The following TTC28 variants were observed in gnomAD, a reference collection of about 807,000 sequenced individuals.
TTC28 encodes tetratricopeptide repeat protein 28.
TTC28 carries 61 observed loss-of-function variants against 198.0 expected under a neutral mutation model. That is an observed-to-expected ratio of 0.31 (90% CI 0.25 to 0.38). TTC28 has a LOEUF of 0.38. TTC28 is among the 10% of genes least tolerant of loss of function. The probability of loss-of-function intolerance (pLI) is 1.00; values close to 1 mark genes in which losing one functional copy is unlikely to be tolerated. For missense variants in TTC28, 2,678 were observed against 3,164.0 expected, an observed-to-expected ratio of 0.85 and a Z score of 3.69; for synonymous variants, 1,171 against 1,297.8, an observed-to-expected ratio of 0.90 and a Z score of 2.10.
intron 10 of TTC28, among the ~76,000 whole-genome samples, chr22:28,097,624 G>A (rs778162666): frequency 1.2e-4 from 19 of 152,144 alleles, no homozygotes; most frequent in Non-Finnish European, 2.1e-4. Context: ...ACAATGCAGC[G>A]GATTTACTTT....
At chr22:28,568,127 C>G (rs1470288551) in intron 2 of TTC28, among the ~76,000 whole-genome samples, 4 of 152,024 alleles carry the variant, frequency 2.6e-5, no homozygotes, top group Admixed American at 1.3e-4. Flanking sequence ...CAGAGTAATA[C>G]TAATATAAAC....
At chr22:28,171,263 T>C (rs1273589302) in intron 5 of TTC28, among the ~76,000 whole-genome samples, 1 of 152,208 alleles carries the variant, frequency 6.6e-6, no homozygotes, top group African/African-American at 2.4e-5. Context: ...TACCCTTTCT[T>C]TCCTTCATTA....
chr22:28,551,603 A>T, intron 2 of TTC28, among the ~76,000 whole-genome samples: 1 of 152,248 alleles, frequency 6.6e-6, no homozygotes, highest in South Asian at 2.1e-4. Flanking sequence ...GTTATACCAC[A>T]TAAACAGAGT....
At chr22:28,564,446 CTTTTG>C (rs1333054711) in intron 2 of TTC28, among the ~76,000 whole-genome samples, 2 of 152,044 alleles carry the variant, frequency 1.3e-5, no homozygotes, top group African/African-American at 4.8e-5. Context: ...TAAATTCAGA[CTTTTG>C]TTTTATTTGT....
chr22:28,600,174 T>G (rs1188118573), intron 2 of TTC28, among the ~76,000 whole-genome samples: 5 of 151,998 alleles, frequency 3.3e-5, no homozygotes, highest in Non-Finnish European at 7.4e-5. Flanking sequence ...GCAAGAGGGA[T>G]GCTTGAATCC....
At chr22:28,326,741 T>G (rs2045536468) in intron 2 of TTC28, among the ~76,000 whole-genome samples, 1 of 152,188 alleles carries the variant, frequency 6.6e-6, no homozygotes, top group Non-Finnish European at 1.5e-5. Flanking sequence ...TTGCAAAGTC[T>G]GCTTCAACTT....
chr22:28,516,355 T>TC (rs1297327105), intron 2 of TTC28, among the ~76,000 whole-genome samples: 1 of 152,092 alleles, frequency 6.6e-6, no homozygotes, highest in Admixed American at 6.6e-5. Context: ...CAAGAATAAT[T>TC]CTGAAAAATC....
At chr22:28,218,874 G>A (rs1927619198) in intron 5 of TTC28, among the ~76,000 whole-genome samples, 1 of 151,712 alleles carries the variant, frequency 6.6e-6, no homozygotes, top group African/African-American at 2.4e-5. Flanking sequence ...GTGCAGCTTG[G>A]TGCCACTGTC....
chr22:28,231,582 T>C (rs1288728490), intron 5 of TTC28, among the ~76,000 whole-genome samples: 2 of 152,210 alleles, frequency 1.3e-5, no homozygotes, highest in African/African-American at 4.8e-5. Flanking sequence ...TTTGTTCTAT[T>C]TGGTTTACAA....
At position 28,227,794 on chromosome 22, in the gene TTC28, A is replaced by G. The variant is rs577219938; in HGVS notation, c.934-64195T>C. 2.6e-5 allele frequency among the ~76,000 whole-genome samples: 4 copies of G among 152,256 alleles called. No homozygotes were observed. In the East Asian group the frequency reaches 7.7e-4, roughly 29 times the overall value. On this transcript the variant is annotated intron_variant, in intron 5 of 22. Coordinates refer to ENST00000397906, the MANE Select transcript of TTC28 (RefSeq NM_001145418.2). ...GAATGTAAAATGGTACAACCATTGT[A>G]AAAAACAGTACGGCAGTTCCTCAAA...
At chr22:28,355,953 C>T (rs1428691231) in intron 2 of TTC28, among the ~76,000 whole-genome samples, 2 of 152,242 alleles carry the variant, frequency 1.3e-5, no homozygotes, top group East Asian at 1.9e-4. Context: ...CACTGCCCTC[C>T]TCTATTCGGG....
chr22:28,079,031 G>A (rs1038590577), intron 12 of TTC28, among the ~76,000 whole-genome samples: 1 of 152,170 alleles, frequency 6.6e-6, no homozygotes, highest in Non-Finnish European at 1.5e-5. Context: ...TTGAAGGGTG[G>A]GCAGAGGCTA....
chr22:28,468,975 T>G (rs751109890), intron 2 of TTC28, among the ~76,000 whole-genome samples: 3 of 152,156 alleles, frequency 2.0e-5, no homozygotes, highest in South Asian at 4.1e-4. Context: ...TCCAATTATT[T>G]TCAAGAACAT....
intron 10 of TTC28, 52 bp from the exon 11 acceptor site, chr22:28,096,460 G>C (rs1941978198): frequency 1.9e-6 from 3 of 1,538,496 alleles, no homozygotes; most frequent in Admixed American, 2.0e-5. Context: ...TGCTTACTTA[G>C]AGAGGCCTAT....
intron 13 of TTC28, among the ~76,000 whole-genome samples, chr22:28,021,394 C>T (rs1938589756): frequency 6.6e-6 from 1 of 152,126 alleles, no homozygotes; most frequent in Non-Finnish European, 1.5e-5. Flanking sequence ...TGGGGAGGGG[C>T]AGCTAGGAAG....
intron 2 of TTC28, among the ~76,000 whole-genome samples, chr22:28,321,511 T>G (rs566176337): frequency 6.6e-6 from 1 of 152,242 alleles, no homozygotes. Context: ...GTGTGGAAAG[T>G]GGAGAGAGAA....
chr22:28,098,875 A>G (rs1337832765), intron 10 of TTC28, 40 bp downstream of exon 10: 4 of 1,548,110 alleles, frequency 2.6e-6, no homozygotes, highest in Non-Finnish European at 3.5e-6. Flanking sequence ...CGTGCGCACT[A>G]GTGCACACGT....
chr22:28,185,702 A>G (rs1293114306), intron 5 of TTC28, among the ~76,000 whole-genome samples: 1 of 152,192 alleles, frequency 6.6e-6, no homozygotes, highest in Non-Finnish European at 1.5e-5. Flanking sequence ...AGATATTAAA[A>G]TGTAAAAAAA....
chr22:28,617,662 G>A (rs2050923721), intron 2 of TTC28, among the ~76,000 whole-genome samples: 1 of 152,128 alleles, frequency 6.6e-6, no homozygotes, highest in Non-Finnish European at 1.5e-5. Flanking sequence ...TTTGGCCAAT[G>A]GGAGAATAAC....
Sources: allele counts gnomAD v4.1 joint callset (sites outside exome capture counted in the v4.1 genomes callset), GRCh38; gene constraint gnomAD v4.1.1; transcripts MANE v1.5; gene names NCBI Gene and HGNC (gene_info 2026-07-23, HGNC 2026-07-21).